LPP: variants seen among roughly 807,000 people sequenced by gnomAD.
LPP encodes the protein LIM domain containing preferred translocation partner in lipoma.
LPP carries 38 observed loss-of-function variants against 60.4 expected under a neutral mutation model. That is an observed-to-expected ratio of 0.63 (90% CI 0.49 to 0.83). The LOEUF is 0.83. Ranked by LOEUF, LPP falls within the 40% of genes least tolerant of loss-of-function variation. LPP has a pLI of 0.00. For synonymous variants in LPP, 328 were observed against 290.8 expected, an observed-to-expected ratio of 1.13 and a Z score of -1.30; for missense variants, 902 against 783.6, an observed-to-expected ratio of 1.15 and a Z score of -1.80.
intron 9 of LPP, among the ~76,000 whole-genome samples, chr3:188,843,562 C>T (rs1377925096): frequency 1.3e-5 from 2 of 151,426 alleles, no homozygotes; most frequent in East Asian, 2.0e-4. Context: ...CCGAGGCGGG[C>T]GGATCACGAG....
At chr3:188,174,417 G>A (rs748398385) in intron 1 of LPP, among the ~76,000 whole-genome samples, 1 of 152,210 alleles carries the variant, frequency 6.6e-6, no homozygotes, top group African/African-American at 2.4e-5. Flanking sequence ...ACATGGCATA[G>A]CAAGTGCAGC....
At chr3:188,495,506 G>T (rs1326892443) in intron 5 of LPP, among the ~76,000 whole-genome samples, 1 of 152,006 alleles carries the variant, frequency 6.6e-6, no homozygotes, top group Non-Finnish European at 1.5e-5. Flanking sequence ...AATCATTTCG[G>T]TGACTTTTTA....
chr3:188,418,364 C>T (rs930520815), intron 4 of LPP, among the ~76,000 whole-genome samples: 9 of 152,148 alleles, frequency 5.9e-5, no homozygotes, highest in Non-Finnish European at 8.8e-5. Context: ...TATTAGCTTC[C>T]ATTTCATCTG....
At chr3:188,184,873 G>C (rs2148939414) in intron 1 of LPP, among the ~76,000 whole-genome samples, 1 of 152,142 alleles carries the variant, frequency 6.6e-6, no homozygotes, top group East Asian at 1.9e-4. Context: ...GGCTGGTGTA[G>C]GTAAAGGGGC....
intron 8 of LPP, among the ~76,000 whole-genome samples, chr3:188,736,107 TA>T (rs1233463570): frequency 6.6e-6 from 1 of 152,190 alleles, no homozygotes; most frequent in African/African-American, 2.4e-5. Flanking sequence ...CTGCAAAACT[TA>T]ATGTTTAGAA....
At chr3:188,764,009 T>C (rs566680729) in intron 9 of LPP, among the ~76,000 whole-genome samples, 8 of 152,272 alleles carry the variant, frequency 5.3e-5, no homozygotes, top group Admixed American at 2.6e-4. Flanking sequence ...ATTTATATTT[T>C]CTGAACTAAT....
At chr3:188,258,348 C>G (rs1378731075) in intron 2 of LPP, among the ~76,000 whole-genome samples, 1 of 152,164 alleles carries the variant, frequency 6.6e-6, no homozygotes, top group Non-Finnish European at 1.5e-5. Flanking sequence ...TTTGAGACAG[C>G]GTCTCCCTCT....
rs544382614 is a variant in LPP at position 188,875,902 on chromosome 3, G to A, written c.*1423G>A. On this transcript the variant is annotated 3_prime_UTR_variant, in exon 12 of 12. Coordinates refer to ENST00000617246, the MANE Select transcript of LPP (RefSeq NM_001375462.1). ...GCCATTTTGTAAACTAAGGATTTTG[G>A]ACTGAGATTTCTTAAATCTTTCTTC... 3.7e-5 allele frequency: 7 copies of A among 187,006 alleles called. No individual in the cohort carries two copies. The highest frequency in any genetic ancestry group is 1.1e-5 in the Non-Finnish European group (1 of 88,354). The allele number at this position is 187,006 out of a possible 1,614,324, so 11.6% of individuals were successfully genotyped here. A position where few individuals can be genotyped will look rare whatever the true frequency, so the allele number is the denominator to read the frequency against.
intron 7 of LPP, among the ~76,000 whole-genome samples, chr3:188,624,779 T>TTTCCTTCCTTCC (rs10662278): frequency 0.029 from 1,733 of 60,628 alleles, 94 homozygotes; most frequent in African/African-American, 0.055. Context: ...CTTCCTTCCT[T>TTTCCTTCCTTCC]TTCCTTCCTT....
At chr3:188,253,676 T>C (rs556876914) in intron 2 of LPP, among the ~76,000 whole-genome samples, 2 of 152,268 alleles carry the variant, frequency 1.3e-5, no homozygotes, top group African/African-American at 4.8e-5. Context: ...AACACAGAGC[T>C]CTTTACCTTT....
chr3:188,578,416 C>T (rs1357527207), intron 6 of LPP, among the ~76,000 whole-genome samples: 1 of 152,076 alleles, frequency 6.6e-6, no homozygotes, highest in African/African-American at 2.4e-5. Context: ...AATTTTACTC[C>T]CCATCCCAGG....
At chr3:188,567,749 A>G (rs2150785642) in intron 6 of LPP, among the ~76,000 whole-genome samples, 1 of 152,110 alleles carries the variant, frequency 6.6e-6, no homozygotes, top group South Asian at 2.1e-4. Flanking sequence ...CAACTGCCAA[A>G]TAATGACTTA....
intron 4 of LPP, among the ~76,000 whole-genome samples, chr3:188,414,436 C>G (rs1053702176): frequency 6.6e-6 from 1 of 152,094 alleles, no homozygotes; most frequent in Non-Finnish European, 1.5e-5. Context: ...ATTTGAAACA[C>G]TTCATGTCCC....
intron 2 of LPP, among the ~76,000 whole-genome samples, chr3:188,291,742 T>C (rs781752783): frequency 2.6e-5 from 4 of 152,100 alleles, no homozygotes; most frequent in Admixed American, 1.3e-4. Flanking sequence ...CCCATTTTCT[T>C]ATGTGTGCTT....
At position 188,823,730 on chromosome 3, in the gene LPP, G is replaced by A. The variant is rs578155378; in HGVS notation, c.1411-42470G>A. Among the ~76,000 whole-genome samples the A allele has an allele frequency of 3.5e-4, 54 of 152,192 alleles. 1 individual carries two copies. The highest frequency in any genetic ancestry group is 1.3e-3 in the African/African-American group (53 of 41,528). Reference sequence around the variant, plus strand: ...GTGGTCAGTTGGTAAAGATTCTATTGGAGGTTTTGGAGGTTTTTGCATAAT... The same window carrying A: ...GTGGTCAGTTGGTAAAGATTCTATTAGAGGTTTTGGAGGTTTTTGCATAAT... On this transcript the variant is annotated intron_variant, in intron 9 of 11. Coordinates refer to ENST00000617246, the MANE Select transcript of LPP (RefSeq NM_001375462.1).
At chr3:188,424,471 G>A (rs1788748396) in intron 4 of LPP, among the ~76,000 whole-genome samples, 1 of 152,074 alleles carries the variant, frequency 6.6e-6, no homozygotes, top group Admixed American at 6.6e-5. Context: ...ATTTAAACTA[G>A]TTTTTTCTAC....
Position 188,760,432 on chromosome 3 carries a change from G to GTGTT in LPP, c.1410+153_1410+154insTTGT, listed in dbSNP as rs1731867090. The GTGTT allele has an allele frequency of 6.8e-6, 5 of 739,922 alleles. No individual in the cohort carries two copies. The South Asian group carries it at 9.0e-5, about 13-fold the overall frequency. The allele number at this position is 739,922 out of a possible 1,614,324, so 45.8% of individuals were successfully genotyped here. On this transcript the variant is annotated intron_variant, in intron 9 of 11. Transcript: ENST00000617246. Reference sequence around the variant, plus strand: ...GGGGTGTGTGTGTGTGTGTGTGTGTGTGTGCGTGCGCGCATGTAAATTAGC... The same window carrying GTGTT: ...GGGGTGTGTGTGTGTGTGTGTGTGTGTGTTTGTGCGTGCGCGCATGTAAATTAGC...
At chr3:188,646,505 T>A (rs1851125751) in intron 7 of LPP, among the ~76,000 whole-genome samples, 1 of 152,232 alleles carries the variant, frequency 6.6e-6, no homozygotes, top group African/African-American at 2.4e-5. Context: ...GCAGAGTTTT[T>A]GTTATCTGTT....
At chr3:188,220,859 C>A (rs1275892800) in intron 1 of LPP, among the ~76,000 whole-genome samples, 1 of 152,148 alleles carries the variant, frequency 6.6e-6, no homozygotes. Flanking sequence ...AGCCACCTGC[C>A]CCCCGACTTC....
Sources: gnomAD v4.1 joint callset for allele counts (sites outside exome capture counted in the v4.1 genomes callset) on GRCh38, gnomAD v4.1.1 for gene constraint, MANE v1.5 for transcripts, NCBI Gene and HGNC (gene_info 2026-07-23, HGNC 2026-07-21) for gene names.